The following SSBP2 variants were observed in gnomAD, a reference collection of about 807,000 sequenced individuals.
The protein encoded by SSBP2 is single-stranded DNA-binding protein 2.
In SSBP2, 17 loss-of-function variants were observed where a neutral mutation model predicts 61.8. That is an observed-to-expected ratio of 0.28 (90% CI 0.19 to 0.41). The LOEUF is 0.41. SSBP2 is among the 10% of genes least tolerant of loss of function. SSBP2 has a pLI of 1.00. For missense variants in SSBP2, 310 were observed against 458.7 expected (o/e 0.68, Z 2.96); for synonymous variants, 139 against 141.3 (o/e 0.98, Z 0.12).
intron 5 of SSBP2, among the ~76,000 whole-genome samples, chr5:81,506,215 T>G (rs1241193174): frequency 1.3e-5 from 2 of 152,172 alleles, no homozygotes; most frequent in Non-Finnish European, 2.9e-5. Context: ...GAATCTGTGT[T>G]CTTTAAAGAT....
At chr5:81,421,018 G>T (rs1053545539) in intron 16 of SSBP2, among the ~76,000 whole-genome samples, 2 of 151,338 alleles carry the variant, frequency 1.3e-5, no homozygotes, top group African/African-American at 4.8e-5. Context: ...CTTAAACCAT[G>T]TATTTATTGA....
In SSBP2 at chr5:81,750,783, C is replaced by G. The variant is rs1757710878; in HGVS notation, c.62+198G>C. The stretch of plus-strand genomic sequence containing the variant: ...CCTCCCGCCGACAGCCCCCTGCGGC[C>G]GCCCGCCCAGCGCCCGCACCTCCCG... On this transcript the variant is annotated intron_variant, in intron 1 of 16. Coordinates refer to ENST00000320672, the MANE Select transcript of SSBP2 (RefSeq NM_012446.5). 4 of 620,276 alleles carry G rather than the reference C, an allele frequency of 6.4e-6. No homozygotes were observed. The Admixed American group carries it at 1.2e-4, about 19-fold the overall frequency. The allele number at this position is 620,276 out of a possible 1,614,324, so 38.4% of individuals were successfully genotyped here.
intron 4 of SSBP2, chr5:81,615,079 T>C (rs752958409): frequency 6.7e-5 from 11 of 163,630 alleles, no homozygotes; most frequent in Non-Finnish European, 1.3e-4. Context: ...AGGAGAAGAA[T>C]AGAGTATTTC....
intron 4 of SSBP2, among the ~76,000 whole-genome samples, chr5:81,541,728 A>C (rs1771286897): frequency 6.6e-6 from 1 of 152,234 alleles, no homozygotes; most frequent in Non-Finnish European, 1.5e-5. Flanking sequence ...ATGTGGAAGA[A>C]TGAAACTGGG....
intron 15 of SSBP2, among the ~76,000 whole-genome samples, chr5:81,435,387 G>A (rs1762611559): frequency 6.6e-6 from 1 of 152,186 alleles, no homozygotes; most frequent in South Asian, 2.1e-4. Context: ...GATCGTGTTT[G>A]TTGTTAAGAA....
intron 1 of SSBP2, among the ~76,000 whole-genome samples, chr5:81,728,622 G>C (rs2153985960): frequency 6.6e-6 from 1 of 152,246 alleles, no homozygotes; most frequent in Non-Finnish European, 1.5e-5. Flanking sequence ...GTGTGGATCA[G>C]ATGCAATAAT....
At chr5:81,554,292 T>C (rs533610096) in intron 4 of SSBP2, among the ~76,000 whole-genome samples, 1 of 152,152 alleles carries the variant, frequency 6.6e-6, no homozygotes, top group African/African-American at 2.4e-5. Context: ...ACATAATGGA[T>C]TTAATTAACA....
intron 1 of SSBP2, among the ~76,000 whole-genome samples, chr5:81,676,421 T>C (rs1751989552): frequency 1.3e-5 from 2 of 152,252 alleles, no homozygotes; most frequent in Non-Finnish European, 2.9e-5. Context: ...GCCAGATATG[T>C]AAATATGCAA....
chr5:81,595,207 A>G (rs1294876564), intron 4 of SSBP2, among the ~76,000 whole-genome samples: 1 of 152,220 alleles, frequency 6.6e-6, no homozygotes, highest in Non-Finnish European at 1.5e-5. Context: ...AAAATACTAT[A>G]AACACCTCTA....
chr5:81,582,616 C>T lies in SSBP2; in HGVS notation c.282+32857G>A, dbSNP rs564955572. Among the ~76,000 whole-genome samples, 10 of 152,058 alleles carry T rather than the reference C, an allele frequency of 6.6e-5. No homozygotes were observed. In the South Asian group the frequency reaches 1.0e-3, roughly 16 times the overall value. ...CTTCTTTTATTTTTTCTTTTTGAGA[C>T]GGAGTCTTGCTGCATCACGCAGGAT... On this transcript the variant is annotated intron_variant, in intron 4 of 16. Coordinates refer to ENST00000320672, the MANE Select transcript of SSBP2 (RefSeq NM_012446.5).
chr5:81,450,285 G>A (rs1417019485), intron 10 of SSBP2, among the ~76,000 whole-genome samples: 1 of 152,154 alleles, frequency 6.6e-6, no homozygotes, highest in Non-Finnish European at 1.5e-5. Context: ...ACCTCCCAAA[G>A]TGTCAGGATT....
At chr5:81,523,300 A>G (rs1027918884) in intron 4 of SSBP2, among the ~76,000 whole-genome samples, 3 of 152,100 alleles carry the variant, frequency 2.0e-5, no homozygotes, top group African/African-American at 7.2e-5. Flanking sequence ...TTTCACTGTT[A>G]ATTTTCAGAA....
intron 4 of SSBP2, among the ~76,000 whole-genome samples, chr5:81,594,521 C>T (rs1743501902): frequency 6.6e-6 from 1 of 152,198 alleles, no homozygotes; most frequent in Admixed American, 6.5e-5. Flanking sequence ...CTCTCCACCC[C>T]AAATCAACAG....
At chr5:81,668,913 T>C (rs150664720) in intron 1 of SSBP2, among the ~76,000 whole-genome samples, 284 of 152,238 alleles carry the variant, frequency 1.9e-3, no homozygotes, top group African/African-American at 5.8e-3. Flanking sequence ...AAATTAAAAT[T>C]TTGAAACTTA....
chr5:81,466,603 GAGTT>G (rs1254816613), intron 9 of SSBP2, among the ~76,000 whole-genome samples: 4 of 151,928 alleles, frequency 2.6e-5, no homozygotes. Context: ...TACTTCTACA[GAGTT>G]AAGTCAAAGT....
At chr5:81,444,760 AT>A (rs1482774145) in intron 12 of SSBP2, among the ~76,000 whole-genome samples, 1 of 152,090 alleles carries the variant, frequency 6.6e-6, no homozygotes, top group Non-Finnish European at 1.5e-5. Context: ...AAGAAAAGAA[AT>A]TTATCATTTT....
chr5:81,608,427 G>T (rs1381828341), intron 4 of SSBP2, among the ~76,000 whole-genome samples: 1 of 152,064 alleles, frequency 6.6e-6, no homozygotes, highest in African/African-American at 2.4e-5. Flanking sequence ...CATGCCCTCA[G>T]ATTCACCATC....
intron 3 of SSBP2, among the ~76,000 whole-genome samples, chr5:81,632,113 A>G (rs1747784524): frequency 6.6e-6 from 1 of 152,216 alleles, no homozygotes; most frequent in African/African-American, 2.4e-5. Flanking sequence ...ATACCCATTT[A>G]TGCTACACTG....
At chr5:81,698,230 C>T (rs1318123906) in intron 1 of SSBP2, among the ~76,000 whole-genome samples, 1 of 152,116 alleles carries the variant, frequency 6.6e-6, no homozygotes, top group South Asian at 2.1e-4. Context: ...GCATATCAAG[C>T]TTAATTCTTC....
Sources: gnomAD v4.1 joint callset for allele counts (sites outside exome capture counted in the v4.1 genomes callset) on GRCh38, gnomAD v4.1.1 for gene constraint, MANE v1.5 for transcripts, NCBI Gene and HGNC (gene_info 2026-07-23, HGNC 2026-07-21) for gene names.